Variants in CALB2 observed in about 807,000 individuals in gnomAD.
The protein encoded by CALB2 is calbindin 2.
CALB2 carries 34 observed loss-of-function variants against 45.9 expected under a neutral mutation model. That is an observed-to-expected ratio of 0.74 (90% CI 0.56 to 0.99). The LOEUF (loss-of-function observed/expected upper bound fraction) is 0.99. CALB2 is among the 50% of genes least tolerant of loss of function. The probability of loss-of-function intolerance (pLI) is 0.00; values close to 1 mark genes in which losing one functional copy is unlikely to be tolerated. For synonymous variants in CALB2, 142 were observed against 129.6 expected (o/e 1.10, Z -0.65); for missense variants, 344 against 339.3 (o/e 1.01, Z -0.11).
At chr16:71,385,392 A>T (rs1174027871) in intron 9 of CALB2, 185 bp from the exon 10 acceptor site, 4 of 490,368 alleles carry the variant, frequency 8.2e-6, no homozygotes, top group Non-Finnish European at 1.4e-5. Context: ...GCTTGCACCC[A>T]CTGCCACCTT....
At chr16:71,380,292 CTTTTTTTTTTTTTTTTTTTTTT>C (rs544138378) in intron 4 of CALB2, among the ~76,000 whole-genome samples, 1 of 43,798 alleles carries the variant, frequency 2.3e-5, no homozygotes, top group East Asian at 1.2e-3. Flanking sequence ...CCTTCCTTTT[CTTTTTTTTTTTTTTTTTTTTTT>C]TTTTTTTTTT....
At chr16:71,388,217 G>A (rs980197719) in intron 10 of CALB2, among the ~76,000 whole-genome samples, 5 of 151,604 alleles carry the variant, frequency 3.3e-5, no homozygotes, top group Admixed American at 2.6e-4. Flanking sequence ...ACCTATAGTC[G>A]TAGCTACTTG....
At chr16:71,384,133 A>G (rs2042535829) in intron 7 of CALB2, 108 bp downstream of exon 7, 1 of 1,270,840 alleles carries the variant, frequency 7.9e-7, no homozygotes, top group African/African-American at 1.5e-5. Flanking sequence ...GGGTGTCAAG[A>G]AGCTCAAGAC....
intron 1 of CALB2, among the ~76,000 whole-genome samples, chr16:71,363,455 C>T (rs1310283630): frequency 1.3e-5 from 2 of 152,208 alleles, no homozygotes; most frequent in Admixed American, 6.5e-5. Flanking sequence ...TGGCTCTACG[C>T]AGGCTCCCAT....
chr16:71,374,110 C>T (rs1369035621), intron 2 of CALB2, among the ~76,000 whole-genome samples: 1 of 152,196 alleles, frequency 6.6e-6, no homozygotes, highest in African/African-American at 2.4e-5. Flanking sequence ...TCAAGAGCTT[C>T]AAGTCTATAT....
rs2042560992 is a variant in CALB2, at chr16:71,385,582, A to T, written c.633A>T (p.Arg211Ser). 2 of 1,613,878 alleles carry T rather than the reference A, an allele frequency of 1.2e-6. No homozygotes were observed. Among genetic ancestry groups the T allele is most frequent in the East Asian group, 4.5e-5 (2 of 44,882 alleles). Residue 211 changes from arginine to serine, a missense_variant, in exon 10 of 11, where the codon AGA becomes AGT. By Grantham distance (110) the Arg-to-Ser change is moderately radical (BLOSUM62 -1). Coordinates refer to ENST00000302628, the MANE Select transcript of CALB2 (RefSeq NM_001740.5). ...NAIFTFYDKD[R>S]SGYIDEHELD... ...GACTCTGCTCCCATCCCCAGGATAG[A>T]AGCGGCTACATTGACGAGCATGAGC...
At chr16:71,360,064 G>C (rs2042223851) in intron 1 of CALB2, among the ~76,000 whole-genome samples, 1 of 152,254 alleles carries the variant, frequency 6.6e-6, no homozygotes, top group Non-Finnish European at 1.5e-5. Context: ...TCAGGCCCCT[G>C]TCCCAGATCT....
rs540686588 is a variant in CALB2 at position 71,364,013 on chromosome 16, G to A, written c.94+5127G>A. On this transcript the variant is annotated intron_variant, in intron 1 of 10. Transcript: ENST00000302628. ...GCCTGACCCATCTGGGGTAGGCCCT[G>A]GAAAATGTCCCCCACCCCTGCCTCT... 1.2e-4 allele frequency among the ~76,000 whole-genome samples: 18 copies of A among 152,154 alleles called. No individual in the cohort carries two copies. In the South Asian group the frequency reaches 3.7e-3, roughly 32 times the overall value.
At chr16:71,377,915 G>A (rs985716442) in intron 4 of CALB2, among the ~76,000 whole-genome samples, 168 bp downstream of exon 4, 3 of 152,242 alleles carry the variant, frequency 2.0e-5, no homozygotes, top group Admixed American at 2.0e-4. Flanking sequence ...AGTATCACCT[G>A]GGTGCCTGTT....
intron 1 of CALB2, among the ~76,000 whole-genome samples, chr16:71,369,834 G>A (rs368006463): frequency 1.2e-4 from 18 of 152,276 alleles, no homozygotes; most frequent in African/African-American, 3.9e-4. Context: ...TCAGTGATAG[G>A]AGAATAGCCA....
chr16:71,372,022 C>T, intron 1 of CALB2, 131 bp from the exon 2 acceptor site: 4 of 692,238 alleles, frequency 5.8e-6, no homozygotes, highest in Non-Finnish European at 1.0e-5. Flanking sequence ...ACACCCCTAG[C>T]TCCACTGGCC....
intron 3 of CALB2, among the ~76,000 whole-genome samples, chr16:71,376,770 TACATGCAACC>T (rs201740455): frequency 0.021 from 2,925 of 139,204 alleles, 98 homozygotes; most frequent in African/African-American, 0.073. Context: ...CACATATATC[TACATGCAACC>T]ACATGCACCC....
chr16:71,378,646 T>C (rs2042445527), intron 4 of CALB2, among the ~76,000 whole-genome samples: 1 of 152,160 alleles, frequency 6.6e-6, no homozygotes, highest in Non-Finnish European at 1.5e-5. Context: ...CATTAAAATG[T>C]AGGGAATAAG....
chr16:71,384,348 T>C lies in CALB2; in HGVS notation c.543T>C (p.Pro181=). 6.2e-7 allele frequency: 1 copy of C among 1,613,340 alleles called. No individual in the cohort carries two copies. The highest frequency in any genetic ancestry group is 8.5e-7 in the Non-Finnish European group (1 of 1,179,656). ...AACATTTTCTCCCCAGACTCCTGCC[T>C]GTCCAGGAAAACTTCCTGCTTAAAT... ...LGLSEMSRLL[P]VQENFLLKFQ... The change falls in exon 8 of 11, where the codon CCT becomes CCC. Residue 181 remains proline, a synonymous_variant. Transcript: ENST00000302628.
At chr16:71,368,524 A>AATAAAATAAG (rs1234548670) in intron 1 of CALB2, among the ~76,000 whole-genome samples, 1 of 152,138 alleles carries the variant, frequency 6.6e-6, no homozygotes, top group African/African-American at 2.4e-5. Context: ...AATAAAATAA[A>AATAAAATAAG]AATAAAAAAA....
At chr16:71,385,042 G>T (rs1298909893) in intron 9 of CALB2, among the ~76,000 whole-genome samples, 1 of 152,160 alleles carries the variant, frequency 6.6e-6, no homozygotes, top group African/African-American at 2.4e-5. Context: ...TTTCTGCAGA[G>T]TGCAGCCGAG....
intron 4 of CALB2, among the ~76,000 whole-genome samples, chr16:71,381,224 G>T (rs1339745441): frequency 2.6e-5 from 4 of 152,146 alleles, no homozygotes; most frequent in Admixed American, 1.3e-4. Flanking sequence ...AGTCATATTT[G>T]GAAATCCTCA....
intron 1 of CALB2, among the ~76,000 whole-genome samples, chr16:71,368,485 G>A (rs2042311963): frequency 6.6e-6 from 1 of 152,118 alleles, no homozygotes. Flanking sequence ...TCCAACCTGA[G>A]TGACAGAGCA....
chr16:71,382,718 G>A lies in CALB2; in HGVS notation c.343-1G>A. 6.2e-7 allele frequency: 1 copy of A among 1,611,868 alleles called. No homozygotes were observed. Among genetic ancestry groups the A allele is most frequent in the Non-Finnish European group, 8.5e-7 (1 of 1,179,140 alleles). ...AGAGGTTGACATTCCTGTTGTTGCA[G>A]GCTTGGCGGAAGTACGACACAGACA... On this transcript the variant is annotated splice_acceptor_variant, in intron 4 of 10. Transcript: ENST00000302628. LOFTEE classifies it high-confidence loss of function.
Sources: allele counts gnomAD v4.1 joint callset (sites outside exome capture counted in the v4.1 genomes callset), GRCh38; gene constraint gnomAD v4.1.1; transcripts MANE v1.5; gene names NCBI Gene and HGNC (gene_info 2026-07-23, HGNC 2026-07-21).